Variants in CRACDL observed in about 807,000 individuals in gnomAD.
CRACDL encodes CRACD-like protein.
A neutral mutation model predicts 70.6 loss-of-function variants in CRACDL; 26 were observed. The observed-to-expected ratio is 0.37, with a 90% confidence interval of 0.27 to 0.51. The LOEUF (loss-of-function observed/expected upper bound fraction) is 0.51. Ranked by LOEUF, CRACDL falls within the 20% of genes least tolerant of loss-of-function variation. The pLI is 0.94. For missense variants in CRACDL, 1,283 were observed against 1,376.9 expected, an observed-to-expected ratio of 0.93 and a Z score of 1.08; for synonymous variants, 618 against 615.2, an observed-to-expected ratio of 1.00 and a Z score of -0.07.
At chr2:98,795,077 A>ATATATATTTTTTTTTTTTT in intron 9 of CRACDL, among the ~76,000 whole-genome samples, 14 of 58,498 alleles carry the variant, frequency 2.4e-4, no homozygotes, top group Non-Finnish European at 2.8e-4. Context: ...ATATATATAT[A>ATATATATTTTTTTTTTTTT]TTTTTTTTTT....
At chr2:98,917,089 C>T (rs994840334) in intron 1 of CRACDL, among the ~76,000 whole-genome samples, 10 of 152,200 alleles carry the variant, frequency 6.6e-5, no homozygotes, top group Non-Finnish European at 1.0e-4. Context: ...CCCTCCGGCT[C>T]GGCCCACTAT....
intron 7 of CRACDL, among the ~76,000 whole-genome samples, chr2:98,803,642 C>A (rs1467303875): frequency 6.6e-6 from 1 of 152,180 alleles, no homozygotes; most frequent in African/African-American, 2.4e-5. Context: ...ATTATGCTGT[C>A]ATCCTAAAAA....
intron 2 of CRACDL, among the ~76,000 whole-genome samples, chr2:98,844,590 A>G (rs1378061923): frequency 2.0e-5 from 3 of 152,230 alleles, no homozygotes; most frequent in Non-Finnish European, 4.4e-5. Flanking sequence ...TTAACAAATT[A>G]CATCTGCAAT....
chr2:98,828,287 C>T (rs1387427057), intron 5 of CRACDL, among the ~76,000 whole-genome samples: 1 of 152,210 alleles, frequency 6.6e-6, no homozygotes, highest in Non-Finnish European at 1.5e-5. Flanking sequence ...TAGGAGGTGA[C>T]AGGCTTTTCG....
intron 7 of CRACDL, among the ~76,000 whole-genome samples, chr2:98,809,402 G>A (rs1704459904): frequency 1.3e-5 from 2 of 151,992 alleles, no homozygotes; most frequent in South Asian, 4.2e-4. Context: ...AGCACAAGTG[G>A]GTCATGTGGT....
chr2:98,897,998 G>C (rs1004368160), intron 1 of CRACDL, among the ~76,000 whole-genome samples: 9 of 152,214 alleles, frequency 5.9e-5, no homozygotes, highest in Non-Finnish European at 1.3e-4. Flanking sequence ...CAGTGGGTGG[G>C]TCAAGGAGCC....
chr2:98,864,729 T>C (rs1707066503), intron 1 of CRACDL, among the ~76,000 whole-genome samples: 1 of 152,120 alleles, frequency 6.6e-6, no homozygotes, highest in African/African-American at 2.4e-5. Context: ...GCATTTTTAG[T>C]AGAGACGGGG....
chr2:98,796,389 A>G, intron 8 of CRACDL, 125 bp from the exon 9 acceptor site: 1 of 947,490 alleles, frequency 1.1e-6, no homozygotes, highest in Admixed American at 2.2e-5. Flanking sequence ...CTTTCTCGGG[A>G]GGGCGCCCTG....
chr2:98,795,077 A>ATATTTTTTTTTTTTTTTTTTT, intron 9 of CRACDL, among the ~76,000 whole-genome samples: 1 of 58,506 alleles, frequency 1.7e-5, no homozygotes, highest in Non-Finnish European at 3.1e-5. Context: ...ATATATATAT[A>ATATTTTTTTTTTTTTTTTTTT]TTTTTTTTTT....
chr2:98,853,015 G>A (rs1387139211), intron 1 of CRACDL, among the ~76,000 whole-genome samples: 5 of 128,862 alleles, frequency 3.9e-5, no homozygotes, highest in African/African-American at 5.9e-5. Context: ...GGGGAGGGGA[G>A]GGGAAGGGAA....
chr2:98,886,824 T>C (rs947896752), intron 1 of CRACDL, among the ~76,000 whole-genome samples: 1 of 139,112 alleles, frequency 7.2e-6, no homozygotes, highest in Non-Finnish European at 1.5e-5. Flanking sequence ...CCACATTATA[T>C]TTTTAAAATT....
chr2:98,922,972 A>C (rs1305368092), intron 1 of CRACDL, among the ~76,000 whole-genome samples: 1 of 152,184 alleles, frequency 6.6e-6, no homozygotes, highest in African/African-American at 2.4e-5. Flanking sequence ...AGCCTACTAC[A>C]TCTTTTAAAT....
At chr2:98,796,768 T>G (rs1231810907) in intron 8 of CRACDL, among the ~76,000 whole-genome samples, 10 of 152,158 alleles carry the variant, frequency 6.6e-5, no homozygotes, top group East Asian at 1.9e-4. Flanking sequence ...ACGGTGCTAT[T>G]GGGGGATACA....
rs193005818 is a variant in CRACDL at position 98,867,600 on chromosome 2, A to T, written c.-10-20790T>A. ...TATTTCAAAAAGAGCTAAGCATCAG[A>T]CTTCATAGCCTTATTTTAGAAATTC... On this transcript the variant is annotated intron_variant, in intron 1 of 9. Transcript: ENST00000397899. Among the ~76,000 whole-genome samples, 3 of 152,350 alleles carry T rather than the reference A, an allele frequency of 2.0e-5. No homozygotes were observed. The East Asian group carries it at 5.8e-4, about 29-fold the overall frequency.
rs754481061 is a variant in CRACDL, at chr2:98,797,553, A to T, written c.2417-16T>A. On this transcript the variant is annotated splice_polypyrimidine_tract_variant and intron_variant, in intron 7 of 9. Transcript: ENST00000397899. ...AGACTCTTTTCTGTTGGGTAAAGGC[A>T]CAAGATTATAGAAACAGTCCTATTC... 6.2e-7 allele frequency: 1 copy of T among 1,611,904 alleles called. No individual in the cohort carries two copies. The highest frequency in any genetic ancestry group is 1.7e-5 in the Admixed American group (1 of 59,996).
At chr2:98,858,741 C>T (rs4499468) in intron 1 of CRACDL, among the ~76,000 whole-genome samples, 56,611 of 151,810 alleles carry the variant, frequency 0.37, 10,997 homozygotes, top group African/African-American at 0.47. Flanking sequence ...ACAGACCTAT[C>T]GCTCTACTAA....
intron 9 of CRACDL, among the ~76,000 whole-genome samples, chr2:98,795,049 ATATAT>A (rs1559194885): frequency 0.13 from 2,263 of 18,078 alleles, 421 homozygotes; most frequent in South Asian, 0.35. Flanking sequence ...AAATATATAT[ATATAT>A]ATATATATAT....
At chr2:98,821,312 T>G (rs1575345354) in intron 7 of CRACDL, among the ~76,000 whole-genome samples, 1 of 152,158 alleles carries the variant, frequency 6.6e-6, no homozygotes, top group Non-Finnish European at 1.5e-5. Flanking sequence ...GCCTCGCAAG[T>G]AGCTGGGACT....
chr2:98,894,111 C>T (rs1396559535), intron 1 of CRACDL, among the ~76,000 whole-genome samples: 1 of 152,224 alleles, frequency 6.6e-6, no homozygotes, highest in Non-Finnish European at 1.5e-5. Context: ...CCTCTTCCTC[C>T]GCCAGTGGCG....
Sources: gnomAD v4.1 joint callset for allele counts (sites outside exome capture counted in the v4.1 genomes callset) on GRCh38, gnomAD v4.1.1 for gene constraint, MANE v1.5 for transcripts, NCBI Gene and HGNC (gene_info 2026-07-23, HGNC 2026-07-21) for gene names.